KATNB1: variants seen among roughly 807,000 people sequenced by gnomAD.
The protein encoded by KATNB1 is katanin regulatory subunit B1.
In KATNB1, 38 loss-of-function variants were observed where a neutral mutation model predicts 82.3. That is an observed-to-expected ratio of 0.46 (90% CI 0.36 to 0.61). The LOEUF is 0.61. Among genes scored for constraint, KATNB1 ranks in the 20% least tolerant of loss-of-function variants. The probability of loss-of-function intolerance (pLI) is 0.00; values close to 1 mark genes in which losing one functional copy is unlikely to be tolerated. For missense variants in KATNB1, 749 were observed against 915.7 expected (o/e 0.82, Z 2.35); for synonymous variants, 361 against 368.7 (o/e 0.98, Z 0.24).
At chr16:57,755,601 T>C (rs1221457942) in intron 16 of KATNB1, 107 bp downstream of exon 16, 1 of 1,418,138 alleles carries the variant, frequency 7.1e-7, no homozygotes, top group African/African-American at 1.4e-5. Context: ...GGGGACAGTG[T>C]GGGATAGGCC....
At chr16:57,753,803 T>A in intron 12 of KATNB1, 142 bp from the exon 13 acceptor site, 1 of 801,516 alleles carries the variant, frequency 1.2e-6, no homozygotes, top group Non-Finnish European at 2.0e-6. Context: ...GGACTGAGGG[T>A]TCCTGGGACC....
chr16:57,740,461 G>A (rs1304747067), intron 2 of KATNB1, among the ~76,000 whole-genome samples: 4 of 152,204 alleles, frequency 2.6e-5, no homozygotes, highest in Admixed American at 6.5e-5. Flanking sequence ...GGGTGGAGTC[G>A]GAGCTGGGGT....
chr16:57,743,408 G>T (rs1001309546), intron 3 of KATNB1, among the ~76,000 whole-genome samples: 5 of 152,202 alleles, frequency 3.3e-5, no homozygotes, highest in African/African-American at 4.8e-5. Context: ...CCTCAGCAAG[G>T]GTGCCAGGGG....
At position 57,751,895 on chromosome 16, in the gene KATNB1, C is replaced by A; in HGVS notation, c.517-45C>A. 1 of 1,512,996 alleles carries A rather than the reference C, an allele frequency of 6.6e-7. No individual in the cohort carries two copies. Among genetic ancestry groups the A allele is most frequent in the Non-Finnish European group, 9.2e-7 (1 of 1,092,274 alleles). The allele number at this position is 1,512,996 out of a possible 1,614,324, so 93.7% of individuals were successfully genotyped here. A position where few individuals can be genotyped will look rare whatever the true frequency, so the allele number is the denominator to read the frequency against. ...CCTGGATTAGAGGGAGGGTGGGCAG[C>A]CAAGATGCCTGGTCACCCTGACCTC... On this transcript the variant is annotated intron_variant, in intron 7 of 19. Coordinates refer to ENST00000379661, the MANE Select transcript of KATNB1 (RefSeq NM_005886.3). This position sits in a 1 kb window ranked among gnomAD's most constrained non-coding sequence, Gnocchi z 6.3.
rs782062088 is a variant in KATNB1 at position 57,754,044 on chromosome 16, C to T, written c.1228+49C>T. 14 of 1,487,308 alleles carry T rather than the reference C, an allele frequency of 9.4e-6. No individual in the cohort carries two copies. In the Admixed American group the frequency reaches 1.2e-4, roughly 13 times the overall value. The allele number at this position is 1,487,308 out of a possible 1,614,324, so 92.1% of individuals were successfully genotyped here. A position where few individuals can be genotyped will look rare whatever the true frequency, so the allele number is the denominator to read the frequency against. ...CCAAGGTCTCTGATGCCCCCCCGTC[C>T]CTCATCTTCTCTTCCTGTGAACCCT... On this transcript the variant is annotated intron_variant, in intron 13 of 19. Transcript: ENST00000379661.
chr16:57,738,777 G>A (rs939584147), intron 2 of KATNB1, among the ~76,000 whole-genome samples: 2 of 152,172 alleles, frequency 1.3e-5, no homozygotes, highest in Non-Finnish European at 2.9e-5. Flanking sequence ...TCATCCCTTC[G>A]ACAGCTGGCC....
chr16:57,751,757 G>T lies in KATNB1; in HGVS notation c.516+33G>T, dbSNP rs576984451. 3 of 1,594,378 alleles carry T rather than the reference G, an allele frequency of 1.9e-6. No homozygotes were observed. The highest frequency in any genetic ancestry group is 8.5e-7 in the Non-Finnish European group (1 of 1,169,712). On this transcript the variant is annotated intron_variant, in intron 7 of 19. Coordinates refer to ENST00000379661, the MANE Select transcript of KATNB1 (RefSeq NM_005886.3). This position sits in a 1 kb window ranked among gnomAD's most constrained non-coding sequence, Gnocchi z 6.3. ...CCGGCCTGACCTGGGCCCAGGGGCT[G>T]GGGGCTGGGGTCTGCTGATCACAGC...
rs782356939 is a variant in KATNB1 at position 57,756,484 on chromosome 16, G to A, written c.1835+12G>A. ...AGCAGGGAGGAGAGGTGAGGGCAGC[G>A]CATGTGTTGGGGGCAGGGGTGCCAC... On this transcript the variant is annotated intron_variant, in intron 19 of 19. Coordinates refer to ENST00000379661, the MANE Select transcript of KATNB1 (RefSeq NM_005886.3). 42 of 1,604,572 alleles carry A rather than the reference G, an allele frequency of 2.6e-5. No individual in the cohort carries two copies. The highest frequency in any genetic ancestry group is 8.9e-5 in the East Asian group (4 of 44,852).
Position 57,751,192 on chromosome 16 carries a change from G to C in KATNB1, c.391-69G>C. The C allele has an allele frequency of 6.8e-7, 1 of 1,477,974 alleles. No homozygotes were observed. The highest frequency in any genetic ancestry group is 9.5e-7 in the Non-Finnish European group (1 of 1,056,450). The allele number at this position is 1,477,974 out of a possible 1,614,324, so 91.6% of individuals were successfully genotyped here. A position where few individuals can be genotyped will look rare whatever the true frequency, so the allele number is the denominator to read the frequency against. ...TGGGCCCCACCGTCTGCTCACGACT[G>C]CACACCTTCCTCCAGTCGTGGCTCT... On this transcript the variant is annotated intron_variant, in intron 5 of 19. Transcript: ENST00000379661. This position sits in a 1 kb window ranked among gnomAD's most constrained non-coding sequence, Gnocchi z 6.3.
rs140518444 is a variant in KATNB1 at position 57,752,218 on chromosome 16, G to A, written c.632+163G>A. 4.1e-4 allele frequency: 273 copies of A among 658,288 alleles called. 3 individuals are homozygous for A. The East Asian group carries it at 7.3e-3, about 18-fold the overall frequency. 40.8% of individuals were successfully genotyped at this position (658,288 alleles called of 1,614,324 possible). On this transcript the variant is annotated intron_variant, in intron 8 of 19. Transcript: ENST00000379661. The stretch of plus-strand genomic sequence containing the variant: ...TCAGCCGAGCCAGGACTGGACCCTG[G>A]TCCATCTCCCCTGGCTCTGGTTCCC...
chr16:57,744,931 G>A (rs1389945484), intron 4 of KATNB1, among the ~76,000 whole-genome samples: 1 of 152,224 alleles, frequency 6.6e-6, no homozygotes, highest in Non-Finnish European at 1.5e-5. Flanking sequence ...TCCCCACTCT[G>A]CCTTGGCTCC....
At position 57,756,883 on chromosome 16, in the gene KATNB1, C is replaced by T; in HGVS notation, c.1905C>T (p.Gly635=). ...SISGLVKSKS[G]LSGRHGSTFR... ...GCGGCCTGGTCAAGAGCAAGTCAGG[C>T]CTGAGCGGCCGCCATGGCAGTACCT... Residue 635 remains glycine, a synonymous_variant, in exon 20 of 20, where the codon GGC becomes GGT. Transcript: ENST00000379661. The T allele has an allele frequency of 6.4e-7, 1 of 1,556,012 alleles. No individual in the cohort carries two copies. Among genetic ancestry groups the T allele is most frequent in the Non-Finnish European group, 8.7e-7 (1 of 1,149,780 alleles).
chr16:57,752,473 C>T (rs1370646870), intron 8 of KATNB1, 57 bp from the exon 9 acceptor site: 7 of 1,467,116 alleles, frequency 4.8e-6, no homozygotes, highest in African/African-American at 2.8e-5. Flanking sequence ...TTCCCAGGGA[C>T]ATGTGGAGGC....
chr16:57,747,725 G>A lies in KATNB1; in HGVS notation c.290-3102G>A, dbSNP rs546566110. Among the ~76,000 whole-genome samples the A allele has an allele frequency of 2.0e-4, 31 of 152,306 alleles. No homozygotes were observed. In the South Asian group the frequency reaches 2.1e-3, roughly 10 times the overall value. On this transcript the variant is annotated intron_variant, in intron 4 of 19. Coordinates refer to ENST00000379661, the MANE Select transcript of KATNB1 (RefSeq NM_005886.3). ...TCAGGCAGAAGGTGGGCAGCTCCCT[G>A]GACCTGAATCCCAGCGCGTGGGCAC... is the stretch of plus-strand genomic sequence containing the variant.
chr16:57,739,000 G>T (rs1410998696), intron 2 of KATNB1, among the ~76,000 whole-genome samples: 1 of 152,174 alleles, frequency 6.6e-6, no homozygotes, highest in African/African-American at 2.4e-5. Context: ...CAGGCTGCAT[G>T]AACAGCAAGT....
chr16:57,752,964 C>G, intron 10 of KATNB1, 36 bp downstream of exon 10: 1 of 1,597,932 alleles, frequency 6.3e-7, no homozygotes, highest in Non-Finnish European at 8.5e-7. Context: ...CCCCCACTCC[C>G]ACAGGGCCAC....
chr16:57,740,193 C>A (rs2049131488), intron 2 of KATNB1, among the ~76,000 whole-genome samples: 1 of 152,206 alleles, frequency 6.6e-6, no homozygotes, highest in Non-Finnish European at 1.5e-5. Context: ...TCCCTGGGAT[C>A]CCCATGGCGA....
chr16:57,736,167 G>C (rs1289707006), intron 1 of KATNB1: 1 of 152,560 alleles, frequency 6.6e-6, no homozygotes, highest in Non-Finnish European at 1.5e-5. Context: ...GGGAGACCCC[G>C]CGAGCATATG....
Position 57,750,861 on chromosome 16 carries a change from C to T in KATNB1, c.324C>T (p.Ile108=). The change falls in exon 5 of 20, where the codon ATC becomes ATT. Residue 108 remains isoleucine (I), a synonymous_variant. Coordinates refer to ENST00000379661, the MANE Select transcript of KATNB1 (RefSeq NM_005886.3). ...LRTLMGHKAN[I]CSLDFHPYGE... ...CACTCATGGGACACAAAGCCAACAT[C>T]TGCAGCCTGGATTTCCACCCGTACG... The T allele has an allele frequency of 6.2e-7, 1 of 1,614,186 alleles. No individual in the cohort carries two copies.
Sources: allele counts gnomAD v4.1 joint callset (sites outside exome capture counted in the v4.1 genomes callset), GRCh38; gene constraint gnomAD v4.1.1; non-coding constraint Gnocchi (gnomAD v3.1); transcripts MANE v1.5; gene names NCBI Gene and HGNC (gene_info 2026-07-23, HGNC 2026-07-21).